P4HA2: variants seen among roughly 807,000 people sequenced by gnomAD.
P4HA2 encodes prolyl 4-hydroxylase subunit alpha 2.
Under a neutral mutation model 76.9 loss-of-function variants are expected in P4HA2, and 46 were observed. The ratio of observed to expected loss-of-function variants is 0.60; its 90% CI spans 0.47 to 0.76. The LOEUF is 0.76. Among genes scored for constraint, P4HA2 ranks in the 30% least tolerant of loss-of-function variants. P4HA2 has a pLI of 0.00. For synonymous variants in P4HA2, 243 were observed against 254.0 expected (o/e 0.96, Z 0.41); for missense variants, 583 against 669.4 (o/e 0.87, Z 1.42).
chr5:132,204,569 C>T (rs1046514568), intron 8 of P4HA2, among the ~76,000 whole-genome samples: 10 of 152,162 alleles, frequency 6.6e-5, no homozygotes, highest in African/African-American at 2.4e-4. Context: ...CCTGAGCCTC[C>T]GCCTTATGTA....
At chr5:132,197,973 C>G (rs1330070540) in intron 12 of P4HA2, 1 of 983,586 alleles carries the variant, frequency 1.0e-6, no homozygotes, top group Admixed American at 6.2e-5. Context: ...CAATTTTAAA[C>G]ACTGGGGAAA....
At chr5:132,219,277 C>T (rs1283490918) in intron 1 of P4HA2, among the ~76,000 whole-genome samples, 1 of 152,218 alleles carries the variant, frequency 6.6e-6, no homozygotes, top group Non-Finnish European at 1.5e-5. Flanking sequence ...AGTGTTCTTC[C>T]TGTAGTAAGG....
chr5:132,223,293 C>T (rs1317296238), intron 1 of P4HA2, among the ~76,000 whole-genome samples: 4 of 152,216 alleles, frequency 2.6e-5, no homozygotes, highest in Admixed American at 2.6e-4. Flanking sequence ...GAGACAGTCT[C>T]GCTCTGTCGC....
chr5:132,193,809 C>T (rs1241537111), intron 14 of P4HA2, among the ~76,000 whole-genome samples: 1 of 152,146 alleles, frequency 6.6e-6, no homozygotes, highest in African/African-American at 2.4e-5. Flanking sequence ...TCCTCACAGA[C>T]TCTCTCATAA....
At chr5:132,198,007 A>G (rs373923082) in intron 12 of P4HA2, 1 of 985,428 alleles carries the variant, frequency 1.0e-6, no homozygotes. Flanking sequence ...GGAATGTTAA[A>G]GTCCTGCTGG....
intron 4 of P4HA2, among the ~76,000 whole-genome samples, chr5:132,215,850 TAAAAAAAAAAAA>T (rs539378974): frequency 2.1e-4 from 17 of 81,912 alleles, no homozygotes; most frequent in South Asian, 1.7e-3. Flanking sequence ...CCTGTCCCTT[TAAAAAAAAAAAA>T]AAAAAAAAAA....
intron 6 of P4HA2, 51 bp from the exon 7 acceptor site, chr5:132,209,382 G>A (rs759103291): frequency 7.0e-7 from 1 of 1,424,684 alleles, no homozygotes; most frequent in South Asian, 1.2e-5. Context: ...ACATCTGTTA[G>A]GTCATTTAGA....
intron 4 of P4HA2, among the ~76,000 whole-genome samples, chr5:132,216,447 A>T (rs1329980488): frequency 6.6e-6 from 1 of 152,190 alleles, no homozygotes; most frequent in Non-Finnish European, 1.5e-5. Flanking sequence ...ATTCAGAAAA[A>T]ATCCCATATC....
chr5:132,206,084 C>T (rs1227836438), intron 8 of P4HA2, among the ~76,000 whole-genome samples: 1 of 152,106 alleles, frequency 6.6e-6, no homozygotes, highest in Admixed American at 6.5e-5. Flanking sequence ...GTTTGCCAAC[C>T]TTGTTTGGCT....
chr5:132,209,944 A>G (rs1228852447), intron 6 of P4HA2, among the ~76,000 whole-genome samples: 1 of 152,108 alleles, frequency 6.6e-6, no homozygotes, highest in African/African-American at 2.4e-5. Flanking sequence ...CTAAAGTACA[A>G]CCTGACTCCT....
Position 132,195,395 on chromosome 5 carries a change from C to A in P4HA2, c.1434+17G>T. ...GAGCCTTGCTTCAACCTCTGACCCACAAGAATCAGAACTTACCTTCTTAGG... is the reference window on the plus strand; with the variant it reads ...GAGCCTTGCTTCAACCTCTGACCCAAAAGAATCAGAACTTACCTTCTTAGG... On this transcript the variant is annotated intron_variant, in intron 13 of 14. Transcript: ENST00000360568. 1.3e-6 allele frequency: 2 copies of A among 1,584,460 alleles called. No individual in the cohort carries two copies. Among genetic ancestry groups the A allele is most frequent in the South Asian group, 1.1e-5 (1 of 90,452 alleles).
intron 5 of P4HA2, among the ~76,000 whole-genome samples, chr5:132,212,669 T>C (rs1753251225): frequency 6.6e-6 from 1 of 152,178 alleles, no homozygotes; most frequent in South Asian, 2.1e-4. Flanking sequence ...AACACAGATC[T>C]GGATGTCATC....
At chr5:132,223,282 T>G (rs1381880334) in intron 1 of P4HA2, among the ~76,000 whole-genome samples, 3 of 152,212 alleles carry the variant, frequency 2.0e-5, no homozygotes, top group East Asian at 3.9e-4. Flanking sequence ...TTTGTTTTTT[T>G]GAGACAGTCT....
intron 8 of P4HA2, among the ~76,000 whole-genome samples, chr5:132,206,093 C>G (rs1397697136): frequency 6.6e-6 from 1 of 152,124 alleles, no homozygotes; most frequent in Non-Finnish European, 1.5e-5. Context: ...CCTTGTTTGG[C>G]TCTTTGCATG....
intron 5 of P4HA2, among the ~76,000 whole-genome samples, chr5:132,213,046 T>C (rs1294075798): frequency 2.0e-5 from 3 of 151,988 alleles, no homozygotes; most frequent in African/African-American, 7.3e-5. Context: ...TTATAAACAC[T>C]AACACTGGGA....
At position 132,227,781 on chromosome 5, in the gene P4HA2, G is replaced by A. The variant is rs1216937937; in HGVS notation, c.-19+9C>T. 3 of 152,256 alleles carry A rather than the reference G, an allele frequency of 2.0e-5. No individual in the cohort carries two copies. The highest frequency in any genetic ancestry group is 4.4e-5 in the Non-Finnish European group (3 of 68,090). 9.4% of individuals were successfully genotyped at this position (152,256 alleles called of 1,614,324 possible). ...GTTGATCTGGCGGCTGAGCGGGCGGGGCGCTCACCTGGACACTCGCAGCTC... is the reference window on the plus strand; with the variant it reads ...GTTGATCTGGCGGCTGAGCGGGCGGAGCGCTCACCTGGACACTCGCAGCTC... On this transcript the variant is annotated intron_variant, in intron 1 of 14. Transcript: ENST00000360568.
At chr5:132,194,761 A>T (rs983743495) in intron 14 of P4HA2, among the ~76,000 whole-genome samples, 165 bp downstream of exon 14, 1 of 152,192 alleles carries the variant, frequency 6.6e-6, no homozygotes, top group Non-Finnish European at 1.5e-5. Context: ...TACCAGCTGC[A>T]TGGACATTAC....
At chr5:132,193,458 G>A (rs1310264718) in intron 14 of P4HA2, 1 of 154,660 alleles carries the variant, frequency 6.5e-6, no homozygotes, top group Non-Finnish European at 1.4e-5. Context: ...AAGCTACATA[G>A]AAGTTATCCT....
In P4HA2 at chr5:132,190,798, T is replaced by C. The variant is rs1355156477; in HGVS notation, c.*2212A>G. The stretch of plus-strand genomic sequence containing the variant: ...GAAAAGACAAGCCACAGAAGATATT[T>C]GCAAAATATATAACAAAGAACTTGT... On this transcript the variant is annotated 3_prime_UTR_variant, in exon 15 of 15. Transcript: ENST00000360568. 6.6e-6 allele frequency among the ~76,000 whole-genome samples: 1 copy of C among 152,210 alleles called. No individual in the cohort carries two copies. The highest frequency in any genetic ancestry group is 1.5e-5 in the Non-Finnish European group (1 of 68,042).
Sources: allele counts gnomAD v4.1 joint callset (sites outside exome capture counted in the v4.1 genomes callset), GRCh38; gene constraint gnomAD v4.1.1; transcripts MANE v1.5; gene names NCBI Gene and HGNC (gene_info 2026-07-23, HGNC 2026-07-21).